SLC25A33: variants seen among roughly 807,000 people sequenced by gnomAD.
SLC25A33 encodes bone marrow stromal cell mitochondrial carrier protein.
SLC25A33 carries 15 observed loss-of-function variants against 35.5 expected under a neutral mutation model. The ratio of observed to expected loss-of-function variants is 0.42; its 90% CI spans 0.28 to 0.65. SLC25A33 has a LOEUF of 0.65. SLC25A33 is among the 30% of genes least tolerant of loss of function. The probability of loss-of-function intolerance (pLI) is 0.20; values close to 1 mark genes in which losing one functional copy is unlikely to be tolerated. For synonymous variants in SLC25A33, 136 were observed against 148.7 expected, an observed-to-expected ratio of 0.91 and a Z score of 0.62; for missense variants, 257 against 398.5, an observed-to-expected ratio of 0.64 and a Z score of 3.02.
chr1:9,581,266 G>A (rs1265132234), intron 6 of SLC25A33, among the ~76,000 whole-genome samples: 1 of 152,162 alleles, frequency 6.6e-6, no homozygotes, highest in East Asian at 1.9e-4. Context: ...GCAAAGGAGA[G>A]GGTGGCTTTT....
At chr1:9,576,622 C>T (rs765714704) in intron 5 of SLC25A33, 22 of 591,332 alleles carry the variant, frequency 3.7e-5, no homozygotes, top group Non-Finnish European at 6.6e-5. Context: ...GGCTACCGTT[C>T]GAACTGTTGG....
rs141867399 is a variant in SLC25A33 at position 9,570,165 on chromosome 1, A to T, written c.315-93A>T. 3.6e-4 allele frequency: 410 copies of T among 1,127,008 alleles called. No individual in the cohort carries two copies. In the African/African-American group the frequency reaches 5.0e-3, roughly 14 times the overall value. 69.8% of individuals were successfully genotyped at this position (1,127,008 alleles called of 1,614,324 possible). On this transcript the variant is annotated intron_variant, in intron 3 of 6. Transcript: ENST00000302692. Reference sequence around the variant, plus strand: ...TTTAGTACATGGCAGCATCTTTCCCATTTTATTTTCCGAAAATTTTTCAGG... The same window carrying T: ...TTTAGTACATGGCAGCATCTTTCCCTTTTTATTTTCCGAAAATTTTTCAGG...
At position 9,583,674 on chromosome 1, in the gene SLC25A33, T is replaced by C. The variant is rs1029009027; in HGVS notation, c.*1173T>C. 2.0e-5 allele frequency: 3 copies of C among 151,876 alleles called. No individual in the cohort carries two copies. The highest frequency in any genetic ancestry group is 7.3e-5 in the African/African-American group (3 of 41,324). The allele number at this position is 151,876 out of a possible 1,614,324, so 9.4% of individuals were successfully genotyped here. On this transcript the variant is annotated 3_prime_UTR_variant, in exon 7 of 7. Transcript: ENST00000302692. The stretch of plus-strand genomic sequence containing the variant: ...GGCTCACCCGTCAGAGAGCTCACAT[T>C]CTGATAGAAAGCACTGGGATTGTTT...
intron 2 of SLC25A33, among the ~76,000 whole-genome samples, chr1:9,563,852 G>A (rs1173108273): frequency 6.6e-6 from 1 of 151,968 alleles, no homozygotes; most frequent in Non-Finnish European, 1.5e-5. Context: ...TAGAGACGGG[G>A]TTTCACCATG....
Position 9,582,457 on chromosome 1 carries a change from A to G in SLC25A33, c.922A>G (p.Thr308Ala), listed in dbSNP as rs765750380. 1 of 1,613,902 alleles carries G rather than the reference A, an allele frequency of 6.2e-7. No individual in the cohort carries two copies. The highest frequency in any genetic ancestry group is 8.5e-7 in the Non-Finnish European group (1 of 1,179,838). Residue 308 changes from threonine to alanine, a missense_variant, in exon 7 of 7, where the codon ACT (threonine) becomes GCT (alanine). Physicochemically the swap from Thr to Ala is moderately conservative, Grantham distance 58. Transcript: ENST00000302692. The surrounding 1 kb of genome is among the most constrained non-coding windows in gnomAD (Gnocchi z 4.0). ...CCCAAATACTGCCATTGTGTTGTCT[A>G]CTTATGAGTTAATTGTGTACCTGTT... ...QIPNTAIVLS[T>A]YELIVYLLED...
At chr1:9,545,157 A>G (rs2100367894) in intron 1 of SLC25A33, among the ~76,000 whole-genome samples, 2 of 152,158 alleles carry the variant, frequency 1.3e-5, no homozygotes, top group South Asian at 2.1e-4. Context: ...GAAAGGAATA[A>G]TGAGAGAAGG....
intron 2 of SLC25A33, among the ~76,000 whole-genome samples, chr1:9,560,184 G>A (rs369115902): frequency 2.5e-3 from 379 of 151,778 alleles, no homozygotes; most frequent in African/African-American, 8.8e-3. Flanking sequence ...CCTGGGAGGC[G>A]GAGGTTGCAG....
intron 3 of SLC25A33, among the ~76,000 whole-genome samples, chr1:9,568,262 C>T (rs535883149): frequency 3.3e-5 from 5 of 151,344 alleles, no homozygotes; most frequent in African/African-American, 1.2e-4. Context: ...GCCAACTTGG[C>T]GAAACCCCAT....
intron 6 of SLC25A33, among the ~76,000 whole-genome samples, chr1:9,580,463 G>T (rs751065810): frequency 6.6e-6 from 1 of 152,184 alleles, no homozygotes; most frequent in South Asian, 2.1e-4. Flanking sequence ...GTGCAGAAAC[G>T]CAGGTCCTGG....
At chr1:9,557,147 G>A (rs913530481) in intron 2 of SLC25A33, among the ~76,000 whole-genome samples, 3 of 152,110 alleles carry the variant, frequency 2.0e-5, no homozygotes, top group African/African-American at 7.2e-5. Context: ...TGGTCAGGCG[G>A]GTCTCAAACT....
chr1:9,548,257 T>C (rs906736858), intron 1 of SLC25A33, among the ~76,000 whole-genome samples: 4 of 152,200 alleles, frequency 2.6e-5, no homozygotes, highest in Non-Finnish European at 5.9e-5. Context: ...CCTGTTACTT[T>C]TATACAGACT....
At chr1:9,548,113 C>A (rs987068181) in intron 1 of SLC25A33, among the ~76,000 whole-genome samples, 2 of 152,102 alleles carry the variant, frequency 1.3e-5, no homozygotes, top group South Asian at 2.1e-4. Flanking sequence ...TGAGCTCAAG[C>A]AATCTGCCTG....
chr1:9,564,740 ATATAT>A (rs373880031), intron 2 of SLC25A33, among the ~76,000 whole-genome samples: 40 of 94,196 alleles, frequency 4.2e-4, no homozygotes, highest in African/African-American at 1.4e-3. Context: ...AAAAAAAAAA[ATATAT>A]ATATATATAT....
chr1:9,549,514 G>T (rs1643231933), intron 1 of SLC25A33, among the ~76,000 whole-genome samples: 1 of 151,614 alleles, frequency 6.6e-6, no homozygotes, highest in African/African-American at 2.4e-5. Context: ...CGGGGGGGAT[G>T]AACTGATGGT....
chr1:9,576,412 G>A (rs1238934832), intron 5 of SLC25A33: 13 of 371,542 alleles, frequency 3.5e-5, no homozygotes, highest in East Asian at 7.2e-5. Context: ...GGGCTTTGCC[G>A]TGTCTACTGT....
At chr1:9,561,635 C>T (rs1276275146) in intron 2 of SLC25A33, among the ~76,000 whole-genome samples, 4 of 151,796 alleles carry the variant, frequency 2.6e-5, no homozygotes, top group Admixed American at 6.6e-5. Flanking sequence ...CTATGGAGAC[C>T]GCCTTTCTTA....
chr1:9,554,257 C>T (rs572606745), intron 2 of SLC25A33, among the ~76,000 whole-genome samples: 5 of 152,306 alleles, frequency 3.3e-5, no homozygotes, highest in Admixed American at 6.5e-5. Context: ...GATCTTGGCT[C>T]GCTGCAGGTG....
In SLC25A33 at chr1:9,583,952, G is replaced by A. The variant is rs1235234840; in HGVS notation, c.*1451G>A. 8.8e-5 allele frequency: 13 copies of A among 147,670 alleles called. No individual in the cohort carries two copies. The highest frequency in any genetic ancestry group is 1.3e-4 in the African/African-American group (5 of 39,660). 9.1% of individuals were successfully genotyped at this position (147,670 alleles called of 1,614,324 possible). A position where few individuals can be genotyped will look rare whatever the true frequency, so the allele number is the denominator to read the frequency against. ...GGAGCTTGCAGTGAGCTGAGATGGC[G>A]CCACTGCACTCCAGCCTGGGCCACA... On this transcript the variant is annotated 3_prime_UTR_variant, in exon 7 of 7. Coordinates refer to ENST00000302692, the MANE Select transcript of SLC25A33 (RefSeq NM_032315.3).
chr1:9,569,770 G>C (rs755232819), intron 3 of SLC25A33, among the ~76,000 whole-genome samples: 2 of 152,120 alleles, frequency 1.3e-5, no homozygotes, highest in Non-Finnish European at 2.9e-5. Context: ...GTCAAGGCAG[G>C]GGGTGGCGGA....
Sources: gnomAD v4.1 joint callset for allele counts (sites outside exome capture counted in the v4.1 genomes callset) on GRCh38, gnomAD v4.1.1 for gene constraint, Gnocchi (gnomAD v3.1) non-coding constraint, MANE v1.5 for transcripts, NCBI Gene and HGNC (gene_info 2026-07-23, HGNC 2026-07-21) for gene names.